Variants in CHRNA7 observed in about 807,000 individuals in gnomAD.
CHRNA7 encodes the protein cholinergic receptor nicotinic alpha 7 subunit.
Under a neutral mutation model 48.0 loss-of-function variants are expected in CHRNA7, and 17 were observed. That is an observed-to-expected ratio of 0.35 (90% CI 0.24 to 0.53). The LOEUF (loss-of-function observed/expected upper bound fraction) is 0.53, where lower values mean the gene tolerates loss of function less well. Ranked by LOEUF, CHRNA7 falls within the 20% of genes least tolerant of loss-of-function variation. CHRNA7 has a pLI of 0.92. For synonymous variants in CHRNA7, 75 were observed against 242.3 expected (o/e 0.31, Z 6.41); for missense variants, 155 against 577.7 (o/e 0.27, Z 7.50).
chr15:32,123,622 C>A (rs901098197), intron 4 of CHRNA7, among the ~76,000 whole-genome samples: 2 of 152,124 alleles, frequency 1.3e-5, no homozygotes, highest in Non-Finnish European at 2.9e-5. Context: ...CTAGGGGAGT[C>A]TTTACTGGCT....
intron 2 of CHRNA7, among the ~76,000 whole-genome samples, chr15:32,086,607 C>T (rs1467297079): frequency 6.6e-6 from 1 of 152,050 alleles, no homozygotes; most frequent in Non-Finnish European, 1.5e-5. Context: ...TTTTAAATCC[C>T]ATTTCCTGTT....
At chr15:32,084,185 A>G (rs1226610651) in intron 2 of CHRNA7, among the ~76,000 whole-genome samples, 1 of 152,212 alleles carries the variant, frequency 6.6e-6, no homozygotes, top group Non-Finnish European at 1.5e-5. Flanking sequence ...AGAAAAACAA[A>G]CATGTTGGAA....
In CHRNA7 at chr15:32,111,812, A is replaced by C; in HGVS notation, c.263A>C (p.Gln88Pro). Residue 88 changes from glutamine (Q) to proline (P), a missense_variant, in exon 4 of 10, where the codon CAG becomes CCG. Physicochemically the swap from Gln to Pro is moderately conservative, Grantham distance 76. Transcript: ENST00000306901. ...LQMSWTDHYL[Q>P]WNVSEYPGVK... ...CAGTCTTGGACAGATCACTATTTACAGTGGAATGTGTCAGAATATCCAGGG... is the reference window on the plus strand; with the variant it reads ...CAGTCTTGGACAGATCACTATTTACCGTGGAATGTGTCAGAATATCCAGGG... 6.2e-7 allele frequency: 1 copy of C among 1,613,038 alleles called. No homozygotes were observed. The highest frequency in any genetic ancestry group is 8.5e-7 in the Non-Finnish European group (1 of 1,178,954).
At chr15:32,068,959 T>TA (rs1269913059) in intron 2 of CHRNA7, among the ~76,000 whole-genome samples, 2 of 152,112 alleles carry the variant, frequency 1.3e-5, no homozygotes, top group African/African-American at 2.4e-5. Context: ...ACTAGACAGT[T>TA]AAAAAATAAA....
chr15:32,086,355 G>A (rs1363282599), intron 2 of CHRNA7, among the ~76,000 whole-genome samples: 6 of 111,372 alleles, frequency 5.4e-5, no homozygotes, highest in East Asian at 5.0e-4. Context: ...GTGACAGAGC[G>A]AGACTCCATC....
rs918740086 is a variant in CHRNA7 at position 32,030,521 on chromosome 15, G to A, written c.-74G>A. 11 of 1,337,970 alleles carry A rather than the reference G, an allele frequency of 8.2e-6. No individual in the cohort carries two copies. The African/African-American group carries it at 1.2e-4, about 15-fold the overall frequency. 82.9% of individuals were successfully genotyped at this position (1,337,970 alleles called of 1,614,324 possible). On this transcript the variant is annotated 5_prime_UTR_variant, in exon 1 of 10. In the 5' UTR this introduces an upstream ATG that the reference lacks. Coordinates refer to ENST00000306901, the MANE Select transcript of CHRNA7 (RefSeq NM_000746.6). ...GCGAGCCGAGCGGCGAGGTGCCTCT[G>A]TGGCCGCAGGCGCAGGCCCGGGCGA...
intron 2 of CHRNA7, among the ~76,000 whole-genome samples, chr15:32,047,947 G>C (rs2049585966): frequency 6.6e-6 from 1 of 151,964 alleles, no homozygotes; most frequent in African/African-American, 2.4e-5. Context: ...TTTTGTCTTT[G>C]GTTCTGTTTA....
intron 4 of CHRNA7, among the ~76,000 whole-genome samples, chr15:32,143,190 T>C (rs998987214): frequency 2.0e-5 from 3 of 152,258 alleles, no homozygotes; most frequent in Non-Finnish European, 2.9e-5. Context: ...CCAGTAGTCA[T>C]TCAGGAGCCC....
At chr15:32,120,926 G>A (rs1405848547) in intron 4 of CHRNA7, among the ~76,000 whole-genome samples, 1 of 152,164 alleles carries the variant, frequency 6.6e-6, no homozygotes, top group Non-Finnish European at 1.5e-5. Flanking sequence ...GCCTGAGGGA[G>A]CAGTGCGGGC....
At chr15:32,146,895 A>C (rs1177743040) in intron 4 of CHRNA7, among the ~76,000 whole-genome samples, 2 of 152,230 alleles carry the variant, frequency 1.3e-5, no homozygotes, top group South Asian at 4.1e-4. Flanking sequence ...ATAGTAAAAC[A>C]AGACAATTTT....
intron 2 of CHRNA7, among the ~76,000 whole-genome samples, chr15:32,045,963 C>T (rs1320650671): frequency 6.6e-6 from 1 of 151,172 alleles, no homozygotes; most frequent in Non-Finnish European, 1.5e-5. Context: ...ATGATGATTT[C>T]CAATTTCATC....
chr15:32,146,598 CAGTT>C (rs1489047675), intron 4 of CHRNA7, among the ~76,000 whole-genome samples: 19 of 152,142 alleles, frequency 1.2e-4, no homozygotes, highest in African/African-American at 3.6e-4. Flanking sequence ...TTACAACAGA[CAGTT>C]AGAAAATGTA....
At chr15:32,100,884 T>A (rs1011874640) in intron 2 of CHRNA7, 1 of 180,290 alleles carries the variant, frequency 5.5e-6, no homozygotes. Flanking sequence ...AGGCATAACA[T>A]ACTTGTATTT....
chr15:32,042,262 G>A (rs1047832579), intron 2 of CHRNA7, among the ~76,000 whole-genome samples: 11 of 152,148 alleles, frequency 7.2e-5, no homozygotes, highest in African/African-American at 2.7e-4. Flanking sequence ...CTCCCCACTT[G>A]AGTGCGATAG....
intron 2 of CHRNA7, among the ~76,000 whole-genome samples, chr15:32,071,889 T>C (rs1322605858): frequency 6.6e-6 from 1 of 151,804 alleles, no homozygotes; most frequent in Admixed American, 6.6e-5. Flanking sequence ...CAAAATGGAC[T>C]AACAGTAAAT....
chr15:32,133,983 T>A (rs2051200797), intron 4 of CHRNA7, among the ~76,000 whole-genome samples: 2 of 152,226 alleles, frequency 1.3e-5, no homozygotes, highest in South Asian at 4.1e-4. Flanking sequence ...GTTTGAGACA[T>A]GGGTTTTCTG....
At position 32,031,634 on chromosome 15, in the gene CHRNA7, C is replaced by T. The variant is rs1195392895; in HGVS notation, c.195+597C>T. On this transcript the variant is annotated intron_variant, in intron 2 of 9. Transcript: ENST00000306901. The stretch of plus-strand genomic sequence containing the variant: ...CCTGCTCCGAGGACTCAGGGTTCCC[C>T]GTCAGGAATACATGTGTCTGTCCCT... Among the ~76,000 whole-genome samples the T allele has an allele frequency of 3.3e-5, 5 of 152,192 alleles. No homozygotes were observed. In the East Asian group the frequency reaches 9.6e-4, roughly 29 times the overall value.
At chr15:32,078,992 T>A (rs2050176039) in intron 2 of CHRNA7, among the ~76,000 whole-genome samples, 1 of 152,168 alleles carries the variant, frequency 6.6e-6, no homozygotes, top group Non-Finnish European at 1.5e-5. Flanking sequence ...CAAGGTTGGT[T>A]CAACATAGGA....
intron 4 of CHRNA7, among the ~76,000 whole-genome samples, chr15:32,123,532 A>G (rs565474298): frequency 8.5e-5 from 13 of 152,338 alleles, no homozygotes; most frequent in African/African-American, 2.4e-5. Context: ...TTAAACAGAT[A>G]GGGAAAGAAG....
Sources: gnomAD v4.1 joint callset for allele counts (sites outside exome capture counted in the v4.1 genomes callset) on GRCh38, gnomAD v4.1.1 for gene constraint, MANE v1.5 for transcripts, NCBI Gene and HGNC (gene_info 2026-07-23, HGNC 2026-07-21) for gene names.